The following SLC27A2 variants were observed in gnomAD, a reference collection of about 807,000 sequenced individuals.
SLC27A2 encodes the protein solute carrier family 27 member 2, also known as long-chain fatty acid transport protein 2.
A neutral mutation model predicts 60.0 loss-of-function variants in SLC27A2; 54 were observed. The ratio of observed to expected loss-of-function variants is 0.90; its 90% confidence interval spans 0.72 to 1.13. The LOEUF (loss-of-function observed/expected upper bound fraction) is 1.13. SLC27A2 is among the 50% of genes most tolerant of loss of function. The pLI is 0.00. For synonymous variants in SLC27A2, 297 were observed against 297.6 expected, an observed-to-expected ratio of 1.00 and a Z score of 0.02; for missense variants, 739 against 777.6, an observed-to-expected ratio of 0.95 and a Z score of 0.59.
At chr15:50,214,966 C>T (rs2045184380) in intron 4 of SLC27A2, among the ~76,000 whole-genome samples, 1 of 151,952 alleles carries the variant, frequency 6.6e-6, no homozygotes, top group African/African-American at 2.4e-5. Context: ...CCTAGCTAGA[C>T]CAATCAGACA....
At chr15:50,186,864 C>T (rs2044929120) in intron 1 of SLC27A2, among the ~76,000 whole-genome samples, 1 of 152,210 alleles carries the variant, frequency 6.6e-6, no homozygotes, top group African/African-American at 2.4e-5. Flanking sequence ...ACTTACGAGG[C>T]ACTGTTTATT....
At chr15:50,211,624 G>A (rs901852980) in intron 4 of SLC27A2, among the ~76,000 whole-genome samples, 2 of 152,156 alleles carry the variant, frequency 1.3e-5, no homozygotes, top group African/African-American at 4.8e-5. Flanking sequence ...TCCAAACCAA[G>A]AAGAAATCCC....
intron 4 of SLC27A2, among the ~76,000 whole-genome samples, chr15:50,217,627 C>T (rs1040105697): frequency 1.3e-5 from 2 of 152,146 alleles, no homozygotes; most frequent in Non-Finnish European, 2.9e-5. Flanking sequence ...AGCCCCCTCA[C>T]CCTGCCCCCA....
At chr15:50,199,915 G>A (rs1365014190) in intron 2 of SLC27A2, among the ~76,000 whole-genome samples, 3 of 152,186 alleles carry the variant, frequency 2.0e-5, no homozygotes, top group Non-Finnish European at 4.4e-5. Flanking sequence ...GCAAGGCACT[G>A]TCTGTAGAAA....
chr15:50,187,981 A>AT (rs2044939059), intron 1 of SLC27A2, among the ~76,000 whole-genome samples: 1 of 151,972 alleles, frequency 6.6e-6, no homozygotes, highest in African/African-American at 2.4e-5. Context: ...AAAAAAAAAA[A>AT]AAAAGGAGAG....
chr15:50,219,781 C>T (rs894758116), intron 4 of SLC27A2, among the ~76,000 whole-genome samples: 1 of 152,194 alleles, frequency 6.6e-6, no homozygotes, highest in African/African-American at 2.4e-5. Flanking sequence ...ACCTGGCACC[C>T]TTCATTCCTC....
chr15:50,215,178 A>C (rs920734949), intron 4 of SLC27A2, among the ~76,000 whole-genome samples: 27 of 152,314 alleles, frequency 1.8e-4, no homozygotes, highest in African/African-American at 6.5e-4. Flanking sequence ...AACAGCGACC[A>C]AGCAAAGACT....
intron 4 of SLC27A2, among the ~76,000 whole-genome samples, chr15:50,216,728 G>A (rs930498491): frequency 7.2e-6 from 1 of 139,014 alleles, no homozygotes; most frequent in Non-Finnish European, 1.5e-5. Flanking sequence ...TTGGCTATGC[G>A]GGCTCTTTTT....
chr15:50,230,889 A>T (rs1026354979), intron 8 of SLC27A2, among the ~76,000 whole-genome samples: 2 of 152,214 alleles, frequency 1.3e-5, no homozygotes, highest in Non-Finnish European at 2.9e-5. Context: ...AGTGTTCCTC[A>T]AAGTGGGTCC....
intron 7 of SLC27A2, among the ~76,000 whole-genome samples, chr15:50,228,296 G>T (rs567793257): frequency 7.4e-6 from 1 of 135,046 alleles, no homozygotes; most frequent in African/African-American, 2.7e-5. Flanking sequence ...AGAATCACTT[G>T]AACCTGGGAG....
intron 4 of SLC27A2, among the ~76,000 whole-genome samples, chr15:50,213,852 A>G (rs915050427): frequency 6.6e-6 from 1 of 152,134 alleles, no homozygotes; most frequent in African/African-American, 2.4e-5. Context: ...GCCTGTAACA[A>G]AAACACTGAA....
At chr15:50,223,615 T>C (rs1400367967) in intron 5 of SLC27A2, among the ~76,000 whole-genome samples, 2 of 152,130 alleles carry the variant, frequency 1.3e-5, no homozygotes, top group Non-Finnish European at 2.9e-5. Context: ...AGCCCAGGCA[T>C]CTCAGTGCTA....
chr15:50,204,101 C>G (rs1292861016), intron 3 of SLC27A2, among the ~76,000 whole-genome samples: 3 of 152,110 alleles, frequency 2.0e-5, no homozygotes, highest in African/African-American at 7.2e-5. Flanking sequence ...CACCAGGACA[C>G]CACAAGTGGA....
At chr15:50,196,599 T>TA (rs2045025615) in intron 1 of SLC27A2, among the ~76,000 whole-genome samples, 1 of 152,200 alleles carries the variant, frequency 6.6e-6, no homozygotes, top group South Asian at 2.1e-4. Context: ...GTAGAACTGT[T>TA]ACCTTTTACT....
intron 4 of SLC27A2, among the ~76,000 whole-genome samples, chr15:50,209,456 AG>A (rs2045137930): frequency 6.6e-6 from 1 of 152,086 alleles, no homozygotes; most frequent in African/African-American, 2.4e-5. Flanking sequence ...CAAGAAAAGA[AG>A]GGCTTCTGGC....
At chr15:50,229,176 G>C in intron 8 of SLC27A2, 134 bp downstream of exon 8, 1 of 608,896 alleles carries the variant, frequency 1.6e-6, no homozygotes, top group South Asian at 2.2e-5. Context: ...GGAGTAAGGA[G>C]CTTATGTCTG....
chr15:50,208,110 G>A (rs999593432), intron 4 of SLC27A2, among the ~76,000 whole-genome samples: 7 of 152,306 alleles, frequency 4.6e-5, no homozygotes, highest in Admixed American at 4.6e-4. Context: ...TGCCAGGGAG[G>A]CAACCTCTGC....
rs1295932997 is a variant in SLC27A2 at position 50,182,795 on chromosome 15, G to C, written c.368G>C (p.Gly123Ala). 1.9e-6 allele frequency: 3 copies of C among 1,613,756 alleles called. No individual in the cohort carries two copies. Among genetic ancestry groups the C allele is most frequent in the Non-Finnish European group, 2.5e-6 (3 of 1,179,974 alleles). The change falls in exon 1 of 10, where the codon GGG becomes GCG. Residue 123 changes from glycine (G) to alanine (A), a missense_variant. Transcript: ENST00000267842. ...NEPAYVWLWL[G>A]LVKLGCAMAC... ...CCGGCCTACGTGTGGCTGTGGCTGG[G>C]GCTGGTGAAGCTGGGCTGTGCCATG... is the stretch of plus-strand genomic sequence containing the variant.
intron 6 of SLC27A2, among the ~76,000 whole-genome samples, chr15:50,226,736 A>G (rs1228751026): frequency 6.6e-6 from 1 of 152,220 alleles, no homozygotes; most frequent in African/African-American, 2.4e-5. Context: ...CATCTCAGAA[A>G]AATAAAAATA....
Sources: gnomAD v4.1 joint callset for allele counts (sites outside exome capture counted in the v4.1 genomes callset) on GRCh38, gnomAD v4.1.1 for gene constraint, MANE v1.5 for transcripts, NCBI Gene and HGNC (gene_info 2026-07-23, HGNC 2026-07-21) for gene names.